Variants in TMEM132D observed in about 807,000 individuals in gnomAD.
TMEM132D encodes the protein transmembrane protein 132D.
In TMEM132D, 21 loss-of-function variants were observed where a neutral mutation model predicts 62.3. The ratio of observed to expected loss-of-function variants is 0.34; its 90% CI spans 0.24 to 0.49. The LOEUF (loss-of-function observed/expected upper bound fraction) is 0.49, where lower values mean the gene tolerates loss of function less well. TMEM132D is among the 20% of genes least tolerant of loss of function. The probability of loss-of-function intolerance (pLI) is 0.99; values close to 1 mark genes in which losing one functional copy is unlikely to be tolerated. For missense variants in TMEM132D, 1,346 were observed against 1,402.8 expected, an observed-to-expected ratio of 0.96 and a Z score of 0.65; for synonymous variants, 621 against 575.6, an observed-to-expected ratio of 1.08 and a Z score of -1.13.
chr12:129,120,251 C>A (rs1277163543), intron 5 of TMEM132D, among the ~76,000 whole-genome samples: 2 of 152,230 alleles, frequency 1.3e-5, no homozygotes, highest in African/African-American at 2.4e-5. Flanking sequence ...TCTATGGGGG[C>A]AAGAGCGAAA....
chr12:129,892,122 C>G (rs1490158291), intron 1 of TMEM132D, among the ~76,000 whole-genome samples: 1 of 152,178 alleles, frequency 6.6e-6, no homozygotes, highest in Non-Finnish European at 1.5e-5. Flanking sequence ...CCCATCCTTA[C>G]AAACAGCAAA....
intron 3 of TMEM132D, among the ~76,000 whole-genome samples, chr12:129,398,424 A>C (rs1871496578): frequency 1.3e-5 from 2 of 152,346 alleles, no homozygotes; most frequent in South Asian, 4.1e-4. Flanking sequence ...CCTGGGGCTC[A>C]CTTCTTGTAT....
At chr12:129,377,234 CAGAA>C (rs780384718) in intron 3 of TMEM132D, among the ~76,000 whole-genome samples, 8 of 152,146 alleles carry the variant, frequency 5.3e-5, no homozygotes, top group Non-Finnish European at 1.2e-4. Flanking sequence ...AGAGAGGCCT[CAGAA>C]GGATCCAAAC....
At chr12:129,829,743 C>G (rs551804746) in intron 1 of TMEM132D, among the ~76,000 whole-genome samples, 53 of 152,266 alleles carry the variant, frequency 3.5e-4, no homozygotes, top group East Asian at 2.3e-3. Flanking sequence ...GAAGCATCAA[C>G]CTTGTTCCTG....
intron 2 of TMEM132D, among the ~76,000 whole-genome samples, chr12:129,650,482 A>G (rs1468058981): frequency 6.6e-6 from 1 of 152,214 alleles, no homozygotes; most frequent in African/African-American, 2.4e-5. Flanking sequence ...TAGAAGAAAC[A>G]TCACTGGGTT....
chr12:129,724,527 T>C (rs975344611), intron 1 of TMEM132D, among the ~76,000 whole-genome samples: 2 of 152,172 alleles, frequency 1.3e-5, no homozygotes, highest in Admixed American at 6.5e-5. Context: ...GTTTCTGTTT[T>C]TGTTTTTGTT....
chr12:129,239,954 C>T (rs1342491312), intron 4 of TMEM132D, among the ~76,000 whole-genome samples: 2 of 152,128 alleles, frequency 1.3e-5, no homozygotes, highest in Non-Finnish European at 2.9e-5. Context: ...TGTTCACTCT[C>T]GATGTCTGAG....
intron 1 of TMEM132D, among the ~76,000 whole-genome samples, chr12:129,709,899 A>T (rs1881600779): frequency 2.0e-5 from 3 of 152,216 alleles, no homozygotes; most frequent in Admixed American, 2.0e-4. Flanking sequence ...TATGACACAA[A>T]AATTGTAATC....
chr12:129,124,987 C>A (rs1360739370), intron 5 of TMEM132D, among the ~76,000 whole-genome samples: 2 of 152,178 alleles, frequency 1.3e-5, no homozygotes, highest in Non-Finnish European at 2.9e-5. Context: ...GCCTCTGTAA[C>A]TAATCCTAAG....
chr12:129,327,365 C>T (rs1469781875), intron 4 of TMEM132D, among the ~76,000 whole-genome samples: 1 of 152,196 alleles, frequency 6.6e-6, no homozygotes, highest in African/African-American at 2.4e-5. Flanking sequence ...CTGATCCCCC[C>T]AGCCAAACTT....
intron 1 of TMEM132D, among the ~76,000 whole-genome samples, chr12:129,726,214 G>A (rs750267634): frequency 6.6e-6 from 1 of 152,296 alleles, no homozygotes; most frequent in Non-Finnish European, 1.5e-5. Context: ...TGCTGACTGT[G>A]CTTAAATCCT....
Position 129,832,823 on chromosome 12 carries a change from G to C in TMEM132D, c.79+70438C>G, listed in dbSNP as rs541069611. On this transcript the variant is annotated intron_variant, in intron 1 of 8. Transcript: ENST00000422113. Reference sequence around the variant, plus strand: ...TGAATCCTGGGGGAGTCCTTCAAAGGCACCGTCTCCAATAATCCCACTTTC... The same window carrying C: ...TGAATCCTGGGGGAGTCCTTCAAAGCCACCGTCTCCAATAATCCCACTTTC... Among the ~76,000 whole-genome samples the C allele has an allele frequency of 2.5e-4, 38 of 152,300 alleles. No homozygotes were observed. In the South Asian group the frequency reaches 7.9e-3, roughly 32 times the overall value.
chr12:129,885,003 T>C (rs1322437203), intron 1 of TMEM132D, among the ~76,000 whole-genome samples: 1 of 152,190 alleles, frequency 6.6e-6, no homozygotes, highest in Non-Finnish European at 1.5e-5. Flanking sequence ...CATTAGGCAA[T>C]GTGAAGTAAG....
At chr12:129,802,531 G>GA (rs1296892323) in intron 1 of TMEM132D, among the ~76,000 whole-genome samples, 1 of 114,070 alleles carries the variant, frequency 8.8e-6, no homozygotes, top group Non-Finnish European at 1.8e-5. Context: ...AAGAGCTCCT[G>GA]AAGGAAGCGC....
At chr12:129,249,633 A>G (rs569507579) in intron 4 of TMEM132D, among the ~76,000 whole-genome samples, 1 of 152,334 alleles carries the variant, frequency 6.6e-6, no homozygotes, top group Admixed American at 6.5e-5. Context: ...GCAGGTAGAC[A>G]GTCAAGGCTC....
rs189190823 is a variant in TMEM132D, at chr12:129,228,246, C to G, written c.1300-18583G>C. Among the ~76,000 whole-genome samples, 5 of 152,238 alleles carry G rather than the reference C, an allele frequency of 3.3e-5. No individual in the cohort carries two copies. The East Asian group carries it at 9.7e-4, about 29-fold the overall frequency. The stretch of plus-strand genomic sequence containing the variant: ...AATCCGGTGGGGAGTGGTGCGGAAC[C>G]CACAGATTTTGTGGGCTGGTTTTGC... On this transcript the variant is annotated intron_variant, in intron 4 of 8. Coordinates refer to ENST00000422113, the MANE Select transcript of TMEM132D (RefSeq NM_133448.3).
At chr12:129,458,356 C>T (rs527914632) in intron 3 of TMEM132D, among the ~76,000 whole-genome samples, 30 of 151,756 alleles carry the variant, frequency 2.0e-4, no homozygotes, top group African/African-American at 7.0e-4. Context: ...ATGGTGTTGG[C>T]CTTTCACAAG....
intron 3 of TMEM132D, among the ~76,000 whole-genome samples, chr12:129,451,809 A>G (rs1358114825): frequency 6.6e-6 from 1 of 152,180 alleles, no homozygotes; most frequent in Non-Finnish European, 1.5e-5. Context: ...CTATCCCTCT[A>G]GAAGCCTCAC....
chr12:129,803,066 T>G (rs980958513), intron 1 of TMEM132D, among the ~76,000 whole-genome samples: 1 of 151,034 alleles, frequency 6.6e-6, no homozygotes, highest in African/African-American at 2.4e-5. Context: ...ACAAAGAGAC[T>G]TAGACTCCCA....
Sources: allele counts gnomAD v4.1 joint callset (sites outside exome capture counted in the v4.1 genomes callset), GRCh38; gene constraint gnomAD v4.1.1; transcripts MANE v1.5; gene names NCBI Gene and HGNC (gene_info 2026-07-23, HGNC 2026-07-21).